Variants in OGDHL observed in about 807,000 individuals in gnomAD.
The protein encoded by OGDHL is 2-oxoglutarate dehydrogenase-like, mitochondrial.
OGDHL carries 79 observed loss-of-function variants against 109.6 expected under a neutral mutation model. The ratio of observed to expected loss-of-function variants is 0.72; its 90% CI spans 0.60 to 0.87. OGDHL has a LOEUF of 0.87. OGDHL is among the 40% of genes least tolerant of loss of function. The pLI, the probability that OGDHL is intolerant of heterozygous loss-of-function variation, is 0.00. For missense variants in OGDHL, 1,275 were observed against 1,362.2 expected, an observed-to-expected ratio of 0.94 and a Z score of 1.01; for synonymous variants, 528 against 537.2, an observed-to-expected ratio of 0.98 and a Z score of 0.24.
At position 49,738,277 on chromosome 10, in the gene OGDHL, C is replaced by T. The variant is rs766270772; in HGVS notation, c.2320-15G>A. ...TGCTCTGGGCCCTGAAAGCAAACGC[C>T]AGACAGCCAAGGCTGGACCCCACCA... is the stretch of plus-strand genomic sequence containing the variant. On this transcript the variant is annotated splice_polypyrimidine_tract_variant and intron_variant, in intron 17 of 22. Coordinates refer to ENST00000374103, the MANE Select transcript of OGDHL (RefSeq NM_018245.3). The T allele has an allele frequency of 1.9e-6, 3 of 1,612,218 alleles. No individual in the cohort carries two copies. The highest frequency in any genetic ancestry group is 4.5e-5 in the East Asian group (2 of 44,858).
Position 49,740,705 on chromosome 10 carries a change from C to T in OGDHL, c.2140+5G>A, listed in dbSNP as rs1278044607. On this transcript the variant is annotated splice_donor_5th_base_variant and intron_variant, in intron 16 of 22. Transcript: ENST00000374103. ...TGCCTGGCCTGCAGGAGAGCGTGGA[C>T]CCACCCAGGACTCCGTACTCCGAGA... is the stretch of plus-strand genomic sequence containing the variant. 3.7e-6 allele frequency: 6 copies of T among 1,612,298 alleles called. No homozygotes were observed. Among genetic ancestry groups the T allele is most frequent in the South Asian group, 1.1e-5 (1 of 90,852 alleles).
chr10:49,736,198 G>C, intron 21 of OGDHL, 21 bp from the exon 22 acceptor site: 1 of 1,574,550 alleles, frequency 6.4e-7, no homozygotes, highest in Non-Finnish European at 8.6e-7. Flanking sequence ...AGAAACAAAG[G>C]AGCATAGCCA....
intron 1 of OGDHL, among the ~76,000 whole-genome samples, chr10:49,760,003 A>C (rs1843169951): frequency 6.6e-6 from 1 of 152,232 alleles, no homozygotes; most frequent in South Asian, 2.1e-4. Context: ...CCATGTCACC[A>C]GAAACTCACT....
In OGDHL at chr10:49,736,521, C is replaced by G. The variant is rs1564520891; in HGVS notation, c.2591-1G>C. On this transcript the variant is annotated splice_acceptor_variant, in intron 20 of 22. Coordinates refer to ENST00000374103, the MANE Select transcript of OGDHL (RefSeq NM_018245.3). LOFTEE classifies it high-confidence loss of function. ...GGAATCACCCGCTGGAAGCTGGTCC[C>G]TGAGGGACCAACAGGACATGGCAGA... 6.2e-7 allele frequency: 1 copy of G among 1,612,750 alleles called. No individual in the cohort carries two copies. The highest frequency in any genetic ancestry group is 1.1e-5 in the South Asian group (1 of 91,058).
intron 17 of OGDHL, chr10:49,739,379 T>G: frequency 1.6e-5 from 6 of 366,692 alleles, no homozygotes; most frequent in Non-Finnish European, 2.0e-5. Flanking sequence ...GCCTACTTCA[T>G]TAAGTTGTAT....
In OGDHL at chr10:49,736,382, T is replaced by A. The variant is rs1023757847; in HGVS notation, c.2729A>T (p.Lys910Ile). The A allele has an allele frequency of 1.2e-6, 2 of 1,614,004 alleles. No individual in the cohort carries two copies. The highest frequency in any genetic ancestry group is 3.3e-5 in the Admixed American group (2 of 60,002). ...CTGCTCCAGGCGCGTGATGGCCACT[T>A]TCTCCTCCAGGTCCTGGCTGCTCCG... is the stretch of plus-strand genomic sequence containing the variant. ...KERSSQDLEE[K>I]VAITRLEQIS... Residue 910 changes from lysine to isoleucine, a missense_variant, in exon 21 of 23, where the codon AAA becomes ATA. Transcript: ENST00000374103.
At position 49,745,931 on chromosome 10, in the gene OGDHL, G is replaced by T; in HGVS notation, c.1343C>A (p.Pro448Gln). Residue 448 changes from proline to glutamine, a missense_variant, in exon 11 of 23, where the codon CCG (proline) becomes CAG (glutamine). By Grantham distance (76) the Pro-to-Gln change is moderately conservative. Transcript: ENST00000374103. ...ATTGACCACCCGGGCCACGTCGGTCGGGTATGGTGAGGAGCGGGCCATTCG... is the reference window on the plus strand; with the variant it reads ...ATTGACCACCCGGGCCACGTCGGTCTGGTATGGTGAGGAGCGGGCCATTCG... ...DPRMARSSPY[P>Q]TDVARVVNAP... is the part of the protein sequence containing the mutation. 6.2e-7 allele frequency: 1 copy of T among 1,614,224 alleles called. No individual in the cohort carries two copies.
In OGDHL at chr10:49,736,452, G is replaced by A. The variant is rs762431481; in HGVS notation, c.2659C>T (p.Leu887Phe). ...AARAPEQVQR[L>F]IFCTGKVYYD... ...TACACCTTTCCCGTGCAGAAGATGA[G>A]CCGCTGCACCTGCTCAGGGGCCCGT... The change falls in exon 21 of 23, where the codon CTC becomes TTC. Residue 887 changes from leucine (L) to phenylalanine (F), a missense_variant. Coordinates refer to ENST00000374103, the MANE Select transcript of OGDHL (RefSeq NM_018245.3). 3.7e-6 allele frequency: 6 copies of A among 1,614,042 alleles called. No homozygotes were observed. The highest frequency in any genetic ancestry group is 5.1e-6 in the Non-Finnish European group (6 of 1,180,034).
chr10:49,751,859 C>A lies in OGDHL; in HGVS notation c.717G>T (p.Arg239=), dbSNP rs770811227. The A allele has an allele frequency of 1.9e-6, 3 of 1,614,136 alleles. No homozygotes were observed. The highest frequency in any genetic ancestry group is 2.5e-6 in the Non-Finnish European group (3 of 1,180,020). The stretch of plus-strand genomic sequence containing the variant: ...AGCGCACTAGCCGGGCCAGCAGGGT[C>A]CGCTTCTCCTCGCTGGAGAACTGCA... ...GVMQFSSEEK[R]TLLARLVRSM... is the part of the protein sequence containing the mutation. The change falls in exon 6 of 23, where the codon CGG becomes CGT. Residue 239 remains arginine, a synonymous_variant. Coordinates refer to ENST00000374103, the MANE Select transcript of OGDHL (RefSeq NM_018245.3).
chr10:49,754,748 G>A (rs1240510022), intron 3 of OGDHL, among the ~76,000 whole-genome samples: 2 of 151,952 alleles, frequency 1.3e-5, no homozygotes, highest in African/African-American at 4.8e-5. Context: ...AAATTACATG[G>A]GACAATGGGA....
rs547014373 is a variant in OGDHL, at chr10:49,736,229, C to A, written c.2755-52G>T. 90 of 1,568,906 alleles carry A rather than the reference C, an allele frequency of 5.7e-5. 1 individual carries two copies. In the Middle Eastern group the frequency reaches 6.9e-4, roughly 12 times the overall value. On this transcript the variant is annotated intron_variant, in intron 21 of 22. Transcript: ENST00000374103. ...AGCCAGAGGAGGGGCGGTATGTCCC[C>A]AGCACCCCCGGACAGGAGGCACAGG...
intron 22 of OGDHL, 46 bp from the exon 23 acceptor site, chr10:49,735,397 C>T: frequency 2.5e-6 from 4 of 1,594,900 alleles, no homozygotes; most frequent in African/African-American, 1.3e-5. Flanking sequence ...GCCTAGCCGC[C>T]CCCCAACCGC....
rs376416746 is a variant in OGDHL, at chr10:49,745,537, T to A, written c.1477-41A>T. On this transcript the variant is annotated intron_variant, in intron 11 of 22. Transcript: ENST00000374103. ...GAGGGGCTCAGGCCCTTCCCTACGC[T>A]GTGTGGTCAATGTAGCTGCTGCAAA... 2.5e-6 allele frequency: 4 copies of A among 1,610,036 alleles called. No individual in the cohort carries two copies. In the African/African-American group the frequency reaches 4.0e-5, roughly 16 times the overall value.
chr10:49,754,774 C>T (rs1590760567), intron 3 of OGDHL, among the ~76,000 whole-genome samples: 2 of 152,056 alleles, frequency 1.3e-5, no homozygotes, highest in South Asian at 4.1e-4. Context: ...GAAATGACAT[C>T]ATGAGGAAGC....
chr10:49,735,963 T>C (rs1258257), intron 22 of OGDHL, 60 bp downstream of exon 22: 1,427,064 of 1,499,096 alleles, frequency 0.95, 681,214 homozygotes, highest in East Asian at 0.98. Flanking sequence ...ATGGGACAGA[T>C]GGAGCCAGGA....
At chr10:49,743,661 G>T (rs113759801) in intron 14 of OGDHL, 12 of 214,596 alleles carry the variant, frequency 5.6e-5, no homozygotes, top group Non-Finnish European at 9.3e-6. Flanking sequence ...CTGCGTTCCA[G>T]CCCCTGTATG....
At chr10:49,749,312 C>T (rs987688476) in intron 8 of OGDHL, among the ~76,000 whole-genome samples, 1 of 152,154 alleles carries the variant, frequency 6.6e-6, no homozygotes. Flanking sequence ...CTCAGCAGGT[C>T]GATGGGTACG....
intron 4 of OGDHL, 21 bp downstream of exon 4, chr10:49,752,617 C>G: frequency 6.3e-7 from 1 of 1,595,044 alleles, no homozygotes. Context: ...CTGCCATGGC[C>G]GTCCTGAGGA....
At chr10:49,755,256 G>T (rs764570613) in intron 3 of OGDHL, among the ~76,000 whole-genome samples, 8 of 152,146 alleles carry the variant, frequency 5.3e-5, no homozygotes, top group Non-Finnish European at 1.2e-4. Context: ...AAGAAAAAAA[G>T]AAAGCACAGG....
Sources: gnomAD v4.1 joint callset for allele counts (sites outside exome capture counted in the v4.1 genomes callset) on GRCh38, gnomAD v4.1.1 for gene constraint, MANE v1.5 for transcripts, NCBI Gene and HGNC (gene_info 2026-07-23, HGNC 2026-07-21) for gene names.